The following NMT2 variants were observed in gnomAD, a reference collection of about 807,000 sequenced individuals.
NMT2 encodes N-myristoyltransferase 2, also known as glycylpeptide N-tetradecanoyltransferase 2.
A neutral mutation model predicts 65.4 loss-of-function variants in NMT2; 35 were observed. That is an observed-to-expected ratio of 0.54 (90% CI 0.41 to 0.71). The LOEUF is 0.71. Among genes scored for constraint, NMT2 ranks in the 30% least tolerant of loss-of-function variants. The pLI is 0.00. For synonymous variants in NMT2, 226 were observed against 231.8 expected, an observed-to-expected ratio of 0.98 and a Z score of 0.23; for missense variants, 489 against 611.3, an observed-to-expected ratio of 0.80 and a Z score of 2.11.
At chr10:15,168,385 C>A in intron 1 of NMT2, 118 bp downstream of exon 1, 2 of 741,928 alleles carry the variant, frequency 2.7e-6, no homozygotes, top group Admixed American at 2.6e-5. Flanking sequence ...ACGGAGAAGC[C>A]ATCGCGGGGC....
At chr10:15,137,623 G>A (rs1019469026) in intron 2 of NMT2, among the ~76,000 whole-genome samples, 1 of 152,078 alleles carries the variant, frequency 6.6e-6, no homozygotes, top group South Asian at 2.1e-4. Context: ...GCTTAACTGT[G>A]CATCAGTTTA....
At chr10:15,109,302 G>GCTCA (rs111335276) in intron 11 of NMT2, 87 bp from the exon 12 acceptor site, 1 of 1,517,304 alleles carries the variant, frequency 6.6e-7, no homozygotes. Flanking sequence ...CTGTCTTAAG[G>GCTCA]CTCAGCTCAC....
At chr10:15,115,261 C>A (rs576234777) in intron 9 of NMT2, among the ~76,000 whole-genome samples, 1 of 152,256 alleles carries the variant, frequency 6.6e-6, no homozygotes, top group South Asian at 2.1e-4. Context: ...TGTTACAAAT[C>A]ATACTTGATG....
At position 15,161,503 on chromosome 10, in the gene NMT2, C is replaced by T. The variant is rs1044294158; in HGVS notation, c.110+7000G>A. On this transcript the variant is annotated intron_variant, in intron 1 of 11. Coordinates refer to ENST00000378165, the MANE Select transcript of NMT2 (RefSeq NM_004808.3). ...CCCGAGTAGCTGAGATTACATACGC[C>T]CGCCACCACACCTGGCTAATGTTTT... 7.2e-5 allele frequency among the ~76,000 whole-genome samples: 11 copies of T among 152,156 alleles called. No individual in the cohort carries two copies. The South Asian group carries it at 1.2e-3, about 17-fold the overall frequency.
At chr10:15,151,920 G>A (rs1348821275) in intron 1 of NMT2, among the ~76,000 whole-genome samples, 1 of 152,226 alleles carries the variant, frequency 6.6e-6, no homozygotes, top group Non-Finnish European at 1.5e-5. Context: ...CAGCTACTCG[G>A]GAGGCTGAGG....
At chr10:15,138,728 C>T (rs1846612961) in intron 2 of NMT2, among the ~76,000 whole-genome samples, 1 of 152,052 alleles carries the variant, frequency 6.6e-6, no homozygotes, top group Non-Finnish European at 1.5e-5. Flanking sequence ...CAATGCAGTC[C>T]ACTGTAATTT....
intron 1 of NMT2, among the ~76,000 whole-genome samples, chr10:15,152,722 A>T (rs1832845571): frequency 6.6e-6 from 1 of 152,212 alleles, no homozygotes; most frequent in Admixed American, 6.5e-5. Context: ...ACCAATAAAG[A>T]CACTCATCCC....
chr10:15,156,765 A>AGG (rs1833014151), intron 1 of NMT2, among the ~76,000 whole-genome samples: 1 of 152,028 alleles, frequency 6.6e-6, no homozygotes. Context: ...ACGTGGTGGC[A>AGG]CATGCCTGTA....
At position 15,135,289 on chromosome 10, in the gene NMT2, G is replaced by C; in HGVS notation, c.376C>G (p.Pro126Ala). 1 of 1,614,064 alleles carries C rather than the reference G, an allele frequency of 6.2e-7. No homozygotes were observed. The highest frequency in any genetic ancestry group is 8.5e-7 in the Non-Finnish European group (1 of 1,180,024). ...KHRYQFWDTQ[P>A]VPKLDEVITS... ...AAAAACTTACCTAGTTTTGGTACCG[G>C]TTGTGTGTCCCAAAACTGGTATCTG... The change falls in exon 3 of 12, where the codon CCG becomes GCG. Residue 126 changes from proline to alanine, a missense_variant. Coordinates refer to ENST00000378165, the MANE Select transcript of NMT2 (RefSeq NM_004808.3).
intron 2 of NMT2, 51 bp from the exon 3 acceptor site, chr10:15,135,469 A>G (rs1846449430): frequency 6.3e-7 from 1 of 1,593,712 alleles, no homozygotes; most frequent in Admixed American, 1.7e-5. Context: ...TGCTGATGTT[A>G]AACTTGAGCA....
intron 9 of NMT2, among the ~76,000 whole-genome samples, chr10:15,114,117 G>C (rs1248283612): frequency 2.6e-5 from 4 of 152,178 alleles, no homozygotes; most frequent in Non-Finnish European, 4.4e-5. Context: ...TTAATCTACA[G>C]TGATTCCCTA....
chr10:15,149,682 T>C (rs556816286), intron 1 of NMT2, among the ~76,000 whole-genome samples: 2 of 151,990 alleles, frequency 1.3e-5, no homozygotes, highest in East Asian at 3.9e-4. Context: ...CCTACAGATA[T>C]CAACTTTGTA....
rs1845414913 is a variant in NMT2 at position 15,109,050 on chromosome 10, T to C, written c.*145A>G. ...TAGCTAGAAACGTACAAATGTCACA[T>C]GTGGACTTTTGTCATCTTTTCTGAT... is the stretch of plus-strand genomic sequence containing the variant. On this transcript the variant is annotated 3_prime_UTR_variant, in exon 12 of 12. Coordinates refer to ENST00000378165, the MANE Select transcript of NMT2 (RefSeq NM_004808.3). 6.7e-7 allele frequency: 1 copy of C among 1,499,112 alleles called. No individual in the cohort carries two copies. Among genetic ancestry groups the C allele is most frequent in the Non-Finnish European group, 8.8e-7 (1 of 1,134,008 alleles). 92.9% of individuals were successfully genotyped at this position (1,499,112 alleles called of 1,614,324 possible).
intron 8 of NMT2, among the ~76,000 whole-genome samples, chr10:15,125,716 G>T (rs1420018425): frequency 1.3e-5 from 2 of 152,136 alleles, no homozygotes; most frequent in Non-Finnish European, 2.9e-5. Context: ...GGCCAGGCTG[G>T]AGTGCAATGG....
At chr10:15,153,393 CAT>C (rs1832871727) in intron 1 of NMT2, among the ~76,000 whole-genome samples, 1 of 152,250 alleles carries the variant, frequency 6.6e-6, no homozygotes, top group African/African-American at 2.4e-5. Flanking sequence ...CAGAGGCACA[CAT>C]GTGCACATGC....
intron 1 of NMT2, among the ~76,000 whole-genome samples, chr10:15,151,709 A>G (rs1832807954): frequency 6.6e-6 from 1 of 152,128 alleles, no homozygotes; most frequent in African/African-American, 2.4e-5. Flanking sequence ...AGAAGAGCTG[A>G]GTTCTAGACA....
intron 1 of NMT2, among the ~76,000 whole-genome samples, chr10:15,167,012 G>A (rs888727113): frequency 7.9e-5 from 12 of 152,146 alleles, no homozygotes; most frequent in Non-Finnish European, 1.8e-4. Flanking sequence ...AGAAAACACA[G>A]GTACTGAAGC....
Position 15,107,740 on chromosome 10 carries a change from C to T in NMT2, c.*1455G>A, listed in dbSNP as rs1482937736. On this transcript the variant is annotated 3_prime_UTR_variant, in exon 12 of 12. Coordinates refer to ENST00000378165, the MANE Select transcript of NMT2 (RefSeq NM_004808.3). ...AAAGTGCTGGGATTACAGGCGTGAGCCACCACACCCAGCCAAGGCATCTAC... is the reference window on the plus strand; with the variant it reads ...AAAGTGCTGGGATTACAGGCGTGAGTCACCACACCCAGCCAAGGCATCTAC... The T allele has an allele frequency of 3.0e-6, 3 of 983,882 alleles. No homozygotes were observed. Among genetic ancestry groups the T allele is most frequent in the Middle Eastern group, 5.2e-4 (1 of 1,938 alleles). 60.9% of individuals were successfully genotyped at this position (983,882 alleles called of 1,614,324 possible). A position where few individuals can be genotyped will look rare whatever the true frequency, so the allele number is the denominator to read the frequency against.
chr10:15,163,391 G>A (rs1833267532), intron 1 of NMT2, among the ~76,000 whole-genome samples: 1 of 152,184 alleles, frequency 6.6e-6, no homozygotes. Context: ...CAAAGTATGT[G>A]TCCTATATTT....
Sources: allele counts gnomAD v4.1 joint callset (sites outside exome capture counted in the v4.1 genomes callset), GRCh38; gene constraint gnomAD v4.1.1; transcripts MANE v1.5; gene names NCBI Gene and HGNC (gene_info 2026-07-23, HGNC 2026-07-21).